ANKFN1: variants seen among roughly 807,000 people sequenced by gnomAD.
The protein encoded by ANKFN1 is ankyrin repeat and fibronectin type III domain containing 1.
Under a neutral mutation model 108.7 loss-of-function variants are expected in ANKFN1, and 74 were observed. That is an observed-to-expected ratio of 0.68 (90% CI 0.56 to 0.83). The LOEUF (loss-of-function observed/expected upper bound fraction) is 0.83. Among genes scored for constraint, ANKFN1 ranks in the 40% least tolerant of loss-of-function variants. The pLI, the probability that ANKFN1 is intolerant of heterozygous loss-of-function variation, is 0.00. For missense variants in ANKFN1, 1,505 were observed against 1,382.3 expected (o/e 1.09, Z -1.41); for synonymous variants, 547 against 516.2 (o/e 1.06, Z -0.81).
At chr17:56,384,022 C>A (rs1450699212) in intron 8 of ANKFN1, among the ~76,000 whole-genome samples, 1 of 136,962 alleles carries the variant, frequency 7.3e-6, no homozygotes, top group Non-Finnish European at 1.6e-5. Flanking sequence ...AGAGACACAA[C>A]CAAAAAAGAG....
intron 2 of ANKFN1, among the ~76,000 whole-genome samples, chr17:56,227,156 C>T (rs1407824215): frequency 1.3e-5 from 2 of 152,084 alleles, no homozygotes; most frequent in African/African-American, 4.8e-5. Context: ...TAGGGACTTT[C>T]CTGCCATTTC....
intron 1 of ANKFN1, among the ~76,000 whole-genome samples, chr17:56,167,294 CAT>C (rs1009576567): frequency 1.0e-4 from 11 of 110,340 alleles, no homozygotes; most frequent in African/African-American, 3.2e-4. Context: ...TATACACACA[CAT>C]ACATATATAC....
Position 56,497,044 on chromosome 17 carries a change from A to G in ANKFN1, c.2428-1838A>G, listed in dbSNP as rs188731953. Among the ~76,000 whole-genome samples, 26 of 152,256 alleles carry G rather than the reference A, an allele frequency of 1.7e-4. 1 individual carries two copies. In the East Asian group the frequency reaches 5.0e-3, roughly 29 times the overall value. On this transcript the variant is annotated intron_variant, in intron 19 of 20. Coordinates refer to ENST00000682825, the MANE Select transcript of ANKFN1 (RefSeq NM_001370326.1). Reference sequence around the variant, plus strand: ...TCTGCAAAGCTGAAAGCAAAAAAATACCAAAACACAATCCCTGTCCTTGTC... The same window carrying G: ...TCTGCAAAGCTGAAAGCAAAAAAATGCCAAAACACAATCCCTGTCCTTGTC...
intron 4 of ANKFN1, among the ~76,000 whole-genome samples, chr17:56,130,033 A>G (rs1226925476): frequency 6.6e-6 from 1 of 152,244 alleles, no homozygotes; most frequent in Non-Finnish European, 1.5e-5. Context: ...CTCGCTATAG[A>G]TTAGAGCCGT....
Position 56,482,476 on chromosome 17 carries a change from AC to A in ANKFN1, c.2216del (p.Pro739HisfsTer41), listed in dbSNP as rs1389568448. The A allele has an allele frequency of 8.1e-6, 13 of 1,613,358 alleles. No homozygotes were observed. The highest frequency in any genetic ancestry group is 1.1e-5 in the Non-Finnish European group (13 of 1,179,620). On this transcript the variant is annotated frameshift_variant, in exon 18 of 21. Transcript: ENST00000682825. LOFTEE classifies it high-confidence loss of function. ...AGCCCCAGGACAGAATAATCCTTAC[AC>A]CCCACACTCAGGGTTTCTTAACCTC... ...CTAPGQNNPY[T>X]PHSGFLNLPL...
At chr17:56,497,628 T>G (rs1359125156) in intron 19 of ANKFN1, among the ~76,000 whole-genome samples, 1 of 152,176 alleles carries the variant, frequency 6.6e-6, no homozygotes, top group Non-Finnish European at 1.5e-5. Flanking sequence ...GTTTTAGTTT[T>G]AAAACTTCCA....
At chr17:56,329,398 C>T (rs1221651004) in intron 4 of ANKFN1, among the ~76,000 whole-genome samples, 1 of 152,106 alleles carries the variant, frequency 6.6e-6, no homozygotes, top group Non-Finnish European at 1.5e-5. Context: ...CTAGTTAATT[C>T]CTCATTCATC....
At chr17:56,222,866 A>G (rs1427073905) in intron 2 of ANKFN1, among the ~76,000 whole-genome samples, 1 of 152,234 alleles carries the variant, frequency 6.6e-6, no homozygotes, top group African/African-American at 2.4e-5. Flanking sequence ...TCTAAGAACT[A>G]CTTTAGAGTA....
intron 8 of ANKFN1, among the ~76,000 whole-genome samples, chr17:56,436,684 G>A (rs900392731): frequency 1.3e-4 from 19 of 151,996 alleles, no homozygotes; most frequent in African/African-American, 4.6e-4. Flanking sequence ...AAAAAAATTA[G>A]CCAGGTGTGG....
intron 4 of ANKFN1, among the ~76,000 whole-genome samples, chr17:56,047,103 G>C (rs761983935): frequency 6.6e-6 from 1 of 152,154 alleles, no homozygotes; most frequent in South Asian, 2.1e-4. Context: ...TGAGCATCAG[G>C]TTGTCTTAGT....
At chr17:56,213,024 G>T (rs923380307) in intron 2 of ANKFN1, among the ~76,000 whole-genome samples, 1 of 152,152 alleles carries the variant, frequency 6.6e-6, no homozygotes, top group African/African-American at 2.4e-5. Flanking sequence ...TTTATTCCAG[G>T]CAGTGCACTA....
chr17:56,428,733 G>C (rs529368619), intron 8 of ANKFN1, among the ~76,000 whole-genome samples: 235 of 152,212 alleles, frequency 1.5e-3, no homozygotes, highest in Non-Finnish European at 2.6e-3. Context: ...AGAGTGCTGG[G>C]ATTACAGGCA....
intron 6 of ANKFN1, chr17:56,368,136 A>G: frequency 7.6e-7 from 1 of 1,310,968 alleles, no homozygotes; most frequent in Non-Finnish European, 1.0e-6. Flanking sequence ...TGATCACTAT[A>G]AATATTCTGA....
intron 1 of ANKFN1, among the ~76,000 whole-genome samples, chr17:56,183,781 C>A (rs2332598): frequency 0.32 from 47,934 of 152,074 alleles, 9,034 homozygotes; most frequent in East Asian, 0.51. Context: ...AGACTAACAC[C>A]ACCAGCATTT....
At chr17:56,123,465 G>A (rs1235731785) in intron 4 of ANKFN1, among the ~76,000 whole-genome samples, 1 of 152,186 alleles carries the variant, frequency 6.6e-6, no homozygotes, top group Non-Finnish European at 1.5e-5. Flanking sequence ...TCTGTGACCT[G>A]TGTGACCTGT....
At chr17:56,108,884 G>T (rs1905802938) in intron 4 of ANKFN1, among the ~76,000 whole-genome samples, 1 of 152,216 alleles carries the variant, frequency 6.6e-6, no homozygotes, top group African/African-American at 2.4e-5. Context: ...ACAGGTATCA[G>T]ATAAATAGGA....
At chr17:56,338,566 A>G (rs556995031) in intron 4 of ANKFN1, among the ~76,000 whole-genome samples, 2 of 152,092 alleles carry the variant, frequency 1.3e-5, no homozygotes, top group African/African-American at 2.4e-5. Context: ...CACAACAGAT[A>G]CAGTTTCCTT....
At chr17:56,355,699 T>C (rs1336028587) in intron 6 of ANKFN1, among the ~76,000 whole-genome samples, 1 of 152,148 alleles carries the variant, frequency 6.6e-6, no homozygotes, top group African/African-American at 2.4e-5. Flanking sequence ...GTCATTTTAG[T>C]GGTGCAGGAG....
At chr17:56,048,398 C>A (rs761598815) in intron 4 of ANKFN1, among the ~76,000 whole-genome samples, 2 of 152,054 alleles carry the variant, frequency 1.3e-5, no homozygotes, top group Non-Finnish European at 2.9e-5. Context: ...TTCTCTGAAA[C>A]GTGTTTCTAT....
Sources: allele counts gnomAD v4.1 joint callset (sites outside exome capture counted in the v4.1 genomes callset), GRCh38; gene constraint gnomAD v4.1.1; transcripts MANE v1.5; gene names NCBI Gene and HGNC (gene_info 2026-07-23, HGNC 2026-07-21).